RHBDF2: variants seen among roughly 807,000 people sequenced by gnomAD.
The protein encoded by RHBDF2 is rhomboid 5 homolog 2, also known as inactive rhomboid protein 2.
A neutral mutation model predicts 95.2 loss-of-function variants in RHBDF2; 38 were observed. The ratio of observed to expected loss-of-function variants is 0.40; its 90% CI spans 0.31 to 0.52. The LOEUF (loss-of-function observed/expected upper bound fraction) is 0.52. Among genes scored for constraint, RHBDF2 ranks in the 20% least tolerant of loss-of-function variants. The probability of loss-of-function intolerance (pLI) is 0.56; values close to 1 mark genes in which losing one functional copy is unlikely to be tolerated. For synonymous variants in RHBDF2, 442 were observed against 462.0 expected, an observed-to-expected ratio of 0.96 and a Z score of 0.55; for missense variants, 863 against 1,137.7, an observed-to-expected ratio of 0.76 and a Z score of 3.47.
rs1567876028 is a variant in RHBDF2 at position 76,476,993 on chromosome 17, GC to G, written c.951del (p.Arg319GlyfsTer10). 3.7e-6 allele frequency: 6 copies of G among 1,613,864 alleles called. No individual in the cohort carries two copies. Reference protein sequence around the residue: ...LKEYGRAPVPGPRRGKRIASK... With the variant: ...LKEYGRAPVPXPRRGKRIASK... The stretch of plus-strand genomic sequence containing the variant: ...GAGGCGATGCGCTTGCCGCGCCGGG[GC>G]CCGGGGACTGGGGCTCGGCCATACT... On this transcript the variant is annotated frameshift_variant, in exon 9 of 19. Coordinates refer to ENST00000675367, the MANE Select transcript of RHBDF2 (RefSeq NM_001005498.4). LOFTEE classifies it high-confidence loss of function.
chr17:76,479,246 C>T lies in RHBDF2; in HGVS notation c.304G>A (p.Asp102Asn), dbSNP rs150978674. The T allele has an allele frequency of 1.7e-5, 28 of 1,606,418 alleles. No individual in the cohort carries two copies. The highest frequency in any genetic ancestry group is 3.4e-4 in the Middle Eastern group (2 of 5,924). Residue 102 changes from aspartate (D) to asparagine (N), a missense_variant, in exon 5 of 19, where the codon GAC (aspartate) becomes AAC (asparagine). Transcript: ENST00000675367. ...CACTGCTGCCGCTGCCCCTCCCAGTCGCCGCTGACTCCAAACCACTGGGCT... is the reference window on the plus strand; with the variant it reads ...CACTGCTGCCGCTGCCCCTCCCAGTTGCCGCTGACTCCAAACCACTGGGCT... ...GAAQWFGVSG[D>N]WEGQRQQWQR...
chr17:76,500,600 G>T (rs1000573419), intron 1 of RHBDF2, among the ~76,000 whole-genome samples: 1 of 152,122 alleles, frequency 6.6e-6, no homozygotes. Flanking sequence ...TCCAACCCTA[G>T]AGCCCCCTCC....
In RHBDF2 at chr17:76,477,210, G is replaced by C. The variant is rs774611084; in HGVS notation, c.890C>G (p.Pro297Arg). 14 of 1,610,634 alleles carry C rather than the reference G, an allele frequency of 8.7e-6. No homozygotes were observed. The South Asian group carries it at 1.5e-4, about 18-fold the overall frequency. Residue 297 changes from proline (P) to arginine (R), a missense_variant, in exon 8 of 19, where the codon CCT (proline) becomes CGT (arginine). Physicochemically the swap from Pro to Arg is moderately radical, Grantham distance 103 (BLOSUM62 -2). Coordinates refer to ENST00000675367, the MANE Select transcript of RHBDF2 (RefSeq NM_001005498.4). ...YFRGIPHSAS[P>R]VSPDGVQIPL... ...GATTTGCACCCCATCGGGGGAGACA[G>C]GGGAGGCTGAGTGTGGGATCCCTCG...
chr17:76,487,360 T>C (rs989805707), intron 2 of RHBDF2: 3 of 152,296 alleles, frequency 2.0e-5, no homozygotes, highest in African/African-American at 7.2e-5. Flanking sequence ...GCGATTCTCC[T>C]GCCTCAGCCT....
chr17:76,474,203 G>A lies in RHBDF2; in HGVS notation c.1465-61C>T, dbSNP rs2073687513. ...GGCCAGGTCACCCCCACTGGAGTGG[G>A]CAAGGACAGAGGCTTTTCCCATCTC... On this transcript the variant is annotated intron_variant, in intron 12 of 18. Coordinates refer to ENST00000675367, the MANE Select transcript of RHBDF2 (RefSeq NM_001005498.4). The A allele has an allele frequency of 4.4e-6, 6 of 1,372,314 alleles. No individual in the cohort carries two copies. In the East Asian group the frequency reaches 1.4e-4, roughly 32 times the overall value. 85.0% of individuals were successfully genotyped at this position (1,372,314 alleles called of 1,614,324 possible).
chr17:76,483,730 A>G (rs1031899092), intron 2 of RHBDF2, among the ~76,000 whole-genome samples: 8 of 152,334 alleles, frequency 5.3e-5, no homozygotes, highest in Middle Eastern at 3.4e-3. Context: ...CCTTGCATAC[A>G]CCGCGTGTGC....
chr17:76,479,832 T>C lies in RHBDF2; in HGVS notation c.173A>G (p.Lys58Arg), dbSNP rs2073894206. ...LPERKNPAYL[K>R]SVSLQEPRSR... is the part of the protein sequence containing the mutation. The stretch of plus-strand genomic sequence containing the variant: ...GCGTGGCTCCTGGAGGCTGACGCTC[T>C]TCAAGTAGGCTGGGTTCTTCCTCTT... The change falls in exon 4 of 19, where the codon AAG (lysine) becomes AGG (arginine). Residue 58 changes from lysine (K) to arginine (R), a missense_variant. Coordinates refer to ENST00000675367, the MANE Select transcript of RHBDF2 (RefSeq NM_001005498.4). 6.2e-7 allele frequency: 1 copy of C among 1,612,978 alleles called. No individual in the cohort carries two copies. Among genetic ancestry groups the C allele is most frequent in the Non-Finnish European group, 8.5e-7 (1 of 1,179,778 alleles).
chr17:76,472,976 G>T, intron 17 of RHBDF2, 29 bp downstream of exon 17: 1 of 1,607,840 alleles, frequency 6.2e-7, no homozygotes, highest in Non-Finnish European at 8.5e-7. Context: ...CACAGGGGTC[G>T]GGTTCGGGGG....
chr17:76,500,536 G>A (rs1285769392), intron 1 of RHBDF2, among the ~76,000 whole-genome samples: 1 of 152,122 alleles, frequency 6.6e-6, no homozygotes, highest in African/African-American at 2.4e-5. Flanking sequence ...AGTGGGGTCA[G>A]CTCCCCACCG....
rs755857959 is a variant in RHBDF2, at chr17:76,472,811, A to C, written c.1939T>G (p.Phe647Val). 2.5e-6 allele frequency: 4 copies of C among 1,601,828 alleles called. No individual in the cohort carries two copies. Among genetic ancestry groups the C allele is most frequent in the Non-Finnish European group, 8.5e-7 (1 of 1,174,276 alleles). Residue 647 changes from phenylalanine (F) to valine (V), a missense_variant, in exon 18 of 19, where the codon TTT becomes GTT. Phe to Val is a conservative substitution (Grantham distance 50). Transcript: ENST00000675367. ...GVVHCLVSVV[F>V]QMTILRDLEK... Reference sequence around the variant, plus strand: ...AGGTCCCTCAGGATGGTCATTTGAAAGACCACAGACACGAGGCAGTGCACC... The same window carrying C: ...AGGTCCCTCAGGATGGTCATTTGAACGACCACAGACACGAGGCAGTGCACC...
chr17:76,471,499 G>C lies in RHBDF2; in HGVS notation c.*134C>G, dbSNP rs375294176. 2.0e-6 allele frequency: 2 copies of C among 1,019,298 alleles called. No homozygotes were observed. The highest frequency in any genetic ancestry group is 3.0e-5 in the Admixed American group (1 of 33,362). 63.1% of individuals were successfully genotyped at this position (1,019,298 alleles called of 1,614,324 possible). Reference sequence around the variant, plus strand: ...GGAGTCAGCCTCGCCTGGCAGGGGGGCACCCAGGTCCAGAGCCCGGGCCCT... The same window carrying C: ...GGAGTCAGCCTCGCCTGGCAGGGGGCCACCCAGGTCCAGAGCCCGGGCCCT... On this transcript the variant is annotated 3_prime_UTR_variant, in exon 19 of 19. Coordinates refer to ENST00000675367, the MANE Select transcript of RHBDF2 (RefSeq NM_001005498.4).
intron 2 of RHBDF2, among the ~76,000 whole-genome samples, chr17:76,485,505 C>G (rs1453953916): frequency 1.3e-5 from 2 of 151,672 alleles, no homozygotes; most frequent in Non-Finnish European, 2.9e-5. Context: ...TCACTTGAAC[C>G]CAGGACGGGG....
At position 76,476,996 on chromosome 17, in the gene RHBDF2, C is replaced by G; in HGVS notation, c.949G>C (p.Gly317Arg). ...LKEYGRAPVP[G>R]PRRGKRIASK... Reference sequence around the variant, plus strand: ...GCGATGCGCTTGCCGCGCCGGGGCCCGGGGACTGGGGCTCGGCCATACTCC... The same window carrying G: ...GCGATGCGCTTGCCGCGCCGGGGCCGGGGGACTGGGGCTCGGCCATACTCC... The change falls in exon 9 of 19, where the codon GGG becomes CGG. Residue 317 changes from glycine (G) to arginine (R), a missense_variant. Physicochemically the swap from Gly to Arg is moderately radical, Grantham distance 125. Transcript: ENST00000675367. 1 of 1,613,832 alleles carries G rather than the reference C, an allele frequency of 6.2e-7. No individual in the cohort carries two copies. The highest frequency in any genetic ancestry group is 8.5e-7 in the Non-Finnish European group (1 of 1,180,020).
rs546484250 is a variant in RHBDF2 at position 76,479,215 on chromosome 17, C to G, written c.335G>C (p.Arg112Pro). 1.2e-6 allele frequency: 2 copies of G among 1,609,046 alleles called. No individual in the cohort carries two copies. The highest frequency in any genetic ancestry group is 1.7e-6 in the Non-Finnish European group (2 of 1,179,252). ...DWEGQRQQWQ[R>P]RSLHHCSMRY... ...CATGCTGCAGTGGTGCAGGCTGCGG[C>G]GCTGCCACTGCTGCCGCTGCCCCTC... Residue 112 changes from arginine (R) to proline (P), a missense_variant, in exon 5 of 19, where the codon CGC becomes CCC. Physicochemically the swap from Arg to Pro is moderately radical, Grantham distance 103 (BLOSUM62 -2). This residue lies in a region of RHBDF2 where 611 missense variants were observed against 725.5 expected (regional missense o/e 0.84). Coordinates refer to ENST00000675367, the MANE Select transcript of RHBDF2 (RefSeq NM_001005498.4).
At chr17:76,497,987 T>C (rs1387495921) in intron 1 of RHBDF2, among the ~76,000 whole-genome samples, 1 of 152,188 alleles carries the variant, frequency 6.6e-6, no homozygotes, top group Non-Finnish European at 1.5e-5. Context: ...TGCCTTCCAG[T>C]AGCTTTTGGA....
intron 2 of RHBDF2, among the ~76,000 whole-genome samples, chr17:76,486,097 CACACACACACACACACACAT>C (rs1485893862): frequency 6.6e-6 from 1 of 151,302 alleles, no homozygotes; most frequent in Non-Finnish European, 1.5e-5. Context: ...CACACACACA[CACACACACACACACACACAT>C]ATAGTTTTTG....
At position 76,471,490 on chromosome 17, in the gene RHBDF2, G is replaced by C; in HGVS notation, c.*143C>G. 1 of 936,464 alleles carries C rather than the reference G, an allele frequency of 1.1e-6. No homozygotes were observed. The highest frequency in any genetic ancestry group is 1.6e-6 in the Non-Finnish European group (1 of 638,140). The allele number at this position is 936,464 out of a possible 1,614,324, so 58.0% of individuals were successfully genotyped here. On this transcript the variant is annotated 3_prime_UTR_variant, in exon 19 of 19. Transcript: ENST00000675367. ...ATCTCACGCGGAGTCAGCCTCGCCT[G>C]GCAGGGGGGCACCCAGGTCCAGAGC...
chr17:76,485,514 G>A (rs2074101179), intron 2 of RHBDF2, among the ~76,000 whole-genome samples: 1 of 151,390 alleles, frequency 6.6e-6, no homozygotes, highest in African/African-American at 2.4e-5. Flanking sequence ...CCCAGGACGG[G>A]GGGTGTGGTT....
At position 76,472,425 on chromosome 17, in the gene RHBDF2, A is replaced by G. The variant is rs965088917; in HGVS notation, c.2064+261T>C. 9 of 603,486 alleles carry G rather than the reference A, an allele frequency of 1.5e-5. No individual in the cohort carries two copies. The East Asian group carries it at 2.6e-4, about 17-fold the overall frequency. The allele number at this position is 603,486 out of a possible 1,614,324, so 37.4% of individuals were successfully genotyped here. A position where few individuals can be genotyped will look rare whatever the true frequency, so the allele number is the denominator to read the frequency against. ...ATTTCCTACCGCTCGACCTGCAGAT[A>G]CCTAGCATACTGTCAGGCAGTGGGC... On this transcript the variant is annotated intron_variant, in intron 18 of 18. Coordinates refer to ENST00000675367, the MANE Select transcript of RHBDF2 (RefSeq NM_001005498.4).
Sources: gnomAD v4.1 joint callset for allele counts (sites outside exome capture counted in the v4.1 genomes callset) on GRCh38, gnomAD v4.1.1 for gene constraint, gnomAD v4.1.1 regional missense constraint, MANE v1.5 for transcripts, NCBI Gene and HGNC (gene_info 2026-07-23, HGNC 2026-07-21) for gene names.